PHLDB2: variants seen among roughly 807,000 people sequenced by gnomAD.
PHLDB2 encodes pleckstrin homology like domain family B member 2, also known as pleckstrin homology-like domain family B member 2.
A neutral mutation model predicts 123.6 loss-of-function variants in PHLDB2; 71 were observed. The ratio of observed to expected loss-of-function variants is 0.57; its 90% CI spans 0.47 to 0.70. The LOEUF (loss-of-function observed/expected upper bound fraction) is 0.70, where lower values mean the gene tolerates loss of function less well. Among genes scored for constraint, PHLDB2 ranks in the 30% least tolerant of loss-of-function variants. The pLI, the probability that PHLDB2 is intolerant of heterozygous loss-of-function variation, is 0.00. For missense variants in PHLDB2, 1,446 were observed against 1,519.5 expected (o/e 0.95, Z 0.80); for synonymous variants, 547 against 541.6 (o/e 1.01, Z -0.14).
At chr3:111,850,325 T>TA (rs1022459046) in intron 2 of PHLDB2, among the ~76,000 whole-genome samples, 3 of 152,232 alleles carry the variant, frequency 2.0e-5, no homozygotes, top group Admixed American at 6.5e-5. Flanking sequence ...GGGCTAGGGA[T>TA]AAAAAACTGC....
At chr3:111,750,660 C>CG (rs1404802374) in intron 1 of PHLDB2, among the ~76,000 whole-genome samples, 3 of 152,008 alleles carry the variant, frequency 2.0e-5, no homozygotes, top group African/African-American at 7.2e-5. Flanking sequence ...TAAAATTCCC[C>CG]GGGGGCCGGA....
intron 5 of PHLDB2, among the ~76,000 whole-genome samples, chr3:111,929,884 G>A (rs192257564): frequency 6.6e-6 from 1 of 151,710 alleles, no homozygotes; most frequent in East Asian, 2.0e-4. Flanking sequence ...GAGCACCTCG[G>A]AAGTAAGGCA....
intron 3 of PHLDB2, chr3:111,914,378 A>G (rs1285411929): frequency 6.6e-6 from 1 of 152,134 alleles, no homozygotes; most frequent in East Asian, 1.9e-4. Context: ...TCGTACTTCT[A>G]AAAGACCATA....
At chr3:111,949,696 A>G (rs938343351) in intron 10 of PHLDB2, 117 of 982,988 alleles carry the variant, frequency 1.2e-4, no homozygotes, top group Non-Finnish European at 1.3e-4. Context: ...TCTTTCTCCT[A>G]TAAAGCAAAG....
chr3:111,967,974 GCAA>G (rs762236725), intron 15 of PHLDB2, 150 bp downstream of exon 15: 12 of 41,038 alleles, frequency 2.9e-4, no homozygotes, highest in East Asian at 8.7e-4. Flanking sequence ...GCATTCCTGT[GCAA>G]AAAAAAAAAA....
intron 1 of PHLDB2, among the ~76,000 whole-genome samples, chr3:111,870,962 A>G (rs2065310782): frequency 6.6e-6 from 1 of 152,212 alleles, no homozygotes; most frequent in Non-Finnish European, 1.5e-5. Context: ...GGGCATGAGT[A>G]TAGACTCAAA....
intron 1 of PHLDB2, among the ~76,000 whole-genome samples, chr3:111,842,630 A>C (rs2063744203): frequency 1.3e-5 from 2 of 152,150 alleles, no homozygotes; most frequent in South Asian, 4.1e-4. Flanking sequence ...AGACCATATA[A>C]TTCACCTACT....
chr3:111,813,196 G>A (rs182524999), intron 1 of PHLDB2, among the ~76,000 whole-genome samples: 1 of 152,156 alleles, frequency 6.6e-6, no homozygotes, highest in East Asian at 1.9e-4. Context: ...TTCAGCTTGG[G>A]GAAACAAGTT....
intron 1 of PHLDB2, among the ~76,000 whole-genome samples, chr3:111,811,893 T>C (rs1231196922): frequency 6.6e-6 from 1 of 152,166 alleles, no homozygotes. Context: ...CTAAACTATA[T>C]TCATTTTTGT....
At chr3:111,852,329 TTA>T (rs1268939927) in intron 2 of PHLDB2, among the ~76,000 whole-genome samples, 4 of 148,448 alleles carry the variant, frequency 2.7e-5, no homozygotes, top group South Asian at 2.1e-4. Flanking sequence ...ATATATACAA[TTA>T]TGTTATATGT....
chr3:111,962,417 T>A (rs2071459131), intron 13 of PHLDB2, 105 bp downstream of exon 13: 10 of 992,290 alleles, frequency 1.0e-5, no homozygotes, highest in Non-Finnish European at 1.5e-5. Flanking sequence ...GCCCAAATTT[T>A]TGAGACATAA....
chr3:111,907,590 G>A (rs2067624173), intron 2 of PHLDB2, among the ~76,000 whole-genome samples: 1 of 152,044 alleles, frequency 6.6e-6, no homozygotes, highest in Non-Finnish European at 1.5e-5. Context: ...TTGCCTCCTG[G>A]GTTCAAGCAA....
chr3:111,743,899 A>G (rs1220675956), intron 1 of PHLDB2, among the ~76,000 whole-genome samples: 1 of 152,214 alleles, frequency 6.6e-6, no homozygotes, highest in African/African-American at 2.4e-5. Context: ...CAATTTTCAT[A>G]TTGGTTTCAT....
intron 1 of PHLDB2, among the ~76,000 whole-genome samples, chr3:111,741,214 C>A (rs1226532946): frequency 6.6e-6 from 1 of 152,204 alleles, no homozygotes; most frequent in Non-Finnish European, 1.5e-5. Context: ...TCATCTCATA[C>A]ACCTACCCAC....
chr3:111,953,821 C>G (rs990298647), intron 11 of PHLDB2, 109 bp from the exon 12 acceptor site: 9 of 805,760 alleles, frequency 1.1e-5, no homozygotes, highest in African/African-American at 3.5e-5. Flanking sequence ...GACTTACCTT[C>G]TCTGCCCTGT....
chr3:111,751,290 C>G (rs2059771155), intron 1 of PHLDB2, among the ~76,000 whole-genome samples: 1 of 152,010 alleles, frequency 6.6e-6, no homozygotes, highest in Non-Finnish European at 1.5e-5. Flanking sequence ...GGCCCAATGC[C>G]TTTCACATAA....
chr3:111,810,440 G>A (rs181099063), intron 1 of PHLDB2, among the ~76,000 whole-genome samples: 40 of 152,188 alleles, frequency 2.6e-4, no homozygotes, highest in East Asian at 3.9e-4. Context: ...CTCAATTTCC[G>A]GTGGGAGCCC....
intron 1 of PHLDB2, among the ~76,000 whole-genome samples, chr3:111,759,929 C>A (rs772490786): frequency 6.6e-6 from 1 of 152,190 alleles, no homozygotes; most frequent in Non-Finnish European, 1.5e-5. Context: ...GTTTGTAGGA[C>A]AAGAGGCTTT....
chr3:111,896,416 C>G (rs529453376), intron 2 of PHLDB2, among the ~76,000 whole-genome samples: 126 of 151,498 alleles, frequency 8.3e-4, no homozygotes, highest in Non-Finnish European at 1.2e-3. Flanking sequence ...GTGATCTCAG[C>G]TCACTGCAAC....
Sources: gnomAD v4.1 joint callset for allele counts (sites outside exome capture counted in the v4.1 genomes callset) on GRCh38, gnomAD v4.1.1 for gene constraint, MANE v1.5 for transcripts, NCBI Gene and HGNC (gene_info 2026-07-23, HGNC 2026-07-21) for gene names.